The following GABRG3 variants were observed in gnomAD, a reference collection of about 807,000 sequenced individuals.
GABRG3 encodes gamma-aminobutyric acid receptor subunit gamma-3.
A neutral mutation model predicts 48.8 loss-of-function variants in GABRG3; 25 were observed. The ratio of observed to expected loss-of-function variants is 0.51; its 90% CI spans 0.37 to 0.72. The LOEUF (loss-of-function observed/expected upper bound fraction) is 0.72. Among genes scored for constraint, GABRG3 ranks in the 30% least tolerant of loss-of-function variants. The probability of loss-of-function intolerance (pLI) is 0.00; values close to 1 mark genes in which losing one functional copy is unlikely to be tolerated. For missense variants in GABRG3, 394 were observed against 577.9 expected, an observed-to-expected ratio of 0.68 and a Z score of 3.26; for synonymous variants, 227 against 217.6, an observed-to-expected ratio of 1.04 and a Z score of -0.38.
At chr15:27,013,013 G>C (rs778349624) in intron 2 of GABRG3, among the ~76,000 whole-genome samples, 2 of 152,106 alleles carry the variant, frequency 1.3e-5, no homozygotes, top group Admixed American at 1.3e-4. Context: ...TGAACTGTAA[G>C]AATAGATTGG....
At chr15:27,417,985 A>G (rs958560382) in intron 5 of GABRG3, among the ~76,000 whole-genome samples, 1 of 152,194 alleles carries the variant, frequency 6.6e-6, no homozygotes, top group South Asian at 2.1e-4. Context: ...ATCAGACAAT[A>G]TGGTGAGTGG....
chr15:27,279,768 A>G (rs1378098), intron 3 of GABRG3, among the ~76,000 whole-genome samples: 69,336 of 152,032 alleles, frequency 0.46, 18,346 homozygotes, highest in Non-Finnish European at 0.61. Context: ...CTTTCTATAT[A>G]AATTTAGAAT....
At chr15:27,204,469 G>A (rs537400032) in intron 3 of GABRG3, among the ~76,000 whole-genome samples, 26 of 152,172 alleles carry the variant, frequency 1.7e-4, no homozygotes, top group Admixed American at 4.6e-4. Flanking sequence ...AAGTGATAGT[G>A]TGATGCTTCC....
intron 3 of GABRG3, among the ~76,000 whole-genome samples, chr15:27,153,139 G>T (rs1898352540): frequency 1.3e-5 from 2 of 152,360 alleles, no homozygotes; most frequent in South Asian, 4.1e-4. Flanking sequence ...GGGATTACAG[G>T]CGTGAGCCAC....
At chr15:27,444,710 T>C (rs1490830047) in intron 5 of GABRG3, among the ~76,000 whole-genome samples, 1 of 152,212 alleles carries the variant, frequency 6.6e-6, no homozygotes, top group African/African-American at 2.4e-5. Flanking sequence ...TCCTCCTTTA[T>C]TCTCTTCCTA....
intron 6 of GABRG3, among the ~76,000 whole-genome samples, chr15:27,483,874 T>C (rs1366949192): frequency 6.6e-6 from 1 of 152,202 alleles, no homozygotes; most frequent in Admixed American, 6.5e-5. Context: ...CCAAGGACAA[T>C]TGCAGCTGAC....
In GABRG3 at chr15:26,976,202, A is replaced by C. The variant is rs1425680714; in HGVS notation, c.54-800A>C. On this transcript the variant is annotated intron_variant, in intron 1 of 9. Coordinates refer to ENST00000615808, the MANE Select transcript of GABRG3 (RefSeq NM_033223.5). This position sits in a 1 kb window ranked among gnomAD's most constrained non-coding sequence, Gnocchi z 7.8. ...CTCCTGTCAGTGTGTGTCACACGGG[A>C]GAGGAGGCTGTCCAGCTCCTCCCTG... 6.6e-6 allele frequency among the ~76,000 whole-genome samples: 1 copy of C among 152,092 alleles called. No individual in the cohort carries two copies. The highest frequency in any genetic ancestry group is 1.5e-5 in the Non-Finnish European group (1 of 68,024).
chr15:27,415,178 C>A (rs1000274228), intron 5 of GABRG3, among the ~76,000 whole-genome samples: 2 of 151,894 alleles, frequency 1.3e-5, no homozygotes, highest in Admixed American at 6.6e-5. Context: ...GCATGTGTTT[C>A]CCCTTTTATA....
At chr15:27,451,085 T>C (rs1566846390) in intron 5 of GABRG3, among the ~76,000 whole-genome samples, 2 of 152,144 alleles carry the variant, frequency 1.3e-5, no homozygotes, top group Non-Finnish European at 2.9e-5. Flanking sequence ...AGCATTAATA[T>C]TGTCAAAACG....
chr15:27,030,928 A>G (rs1223541869), intron 3 of GABRG3, among the ~76,000 whole-genome samples: 1 of 152,150 alleles, frequency 6.6e-6, no homozygotes, highest in African/African-American at 2.4e-5. Context: ...TAGACACAAA[A>G]GGCTCAGTGT....
chr15:27,014,056 G>T (rs1895734533), intron 2 of GABRG3, among the ~76,000 whole-genome samples: 1 of 151,936 alleles, frequency 6.6e-6, no homozygotes, highest in East Asian at 1.9e-4. Context: ...TGTAGTTTTT[G>T]GTGTATAAGT....
intron 2 of GABRG3, among the ~76,000 whole-genome samples, chr15:27,011,663 C>T (rs913771386): frequency 4.0e-5 from 6 of 151,836 alleles, no homozygotes; most frequent in African/African-American, 9.7e-5. Context: ...CTGGCTAACA[C>T]GGTGAAACCC....
intron 6 of GABRG3, among the ~76,000 whole-genome samples, chr15:27,500,308 G>C (rs376630200): frequency 6.6e-6 from 1 of 152,140 alleles, no homozygotes; most frequent in South Asian, 2.1e-4. Context: ...GTTCACAGCA[G>C]CTCCCAGAAG....
chr15:26,994,387 G>A (rs947570265), intron 2 of GABRG3, among the ~76,000 whole-genome samples: 7 of 151,614 alleles, frequency 4.6e-5, no homozygotes, highest in South Asian at 2.1e-4. Context: ...AGGTTCCCAT[G>A]AGGCTTGCAA....
chr15:27,234,771 C>T (rs1034454030), intron 3 of GABRG3, among the ~76,000 whole-genome samples: 1 of 152,110 alleles, frequency 6.6e-6, no homozygotes, highest in African/African-American at 2.4e-5. Context: ...GACTCCTGTC[C>T]AGTGACCCTC....
intron 3 of GABRG3, among the ~76,000 whole-genome samples, chr15:27,272,601 C>T (rs991716210): frequency 6.6e-6 from 1 of 152,100 alleles, no homozygotes; most frequent in African/African-American, 2.4e-5. Context: ...TCATCCACAC[C>T]AAGACAAGAG....
intron 5 of GABRG3, among the ~76,000 whole-genome samples, chr15:27,361,242 G>C (rs2140546564): frequency 6.6e-6 from 1 of 152,286 alleles, no homozygotes; most frequent in African/African-American, 2.4e-5. Context: ...AGAGCACTTG[G>C]AGTTGTGAAT....
intron 3 of GABRG3, among the ~76,000 whole-genome samples, chr15:27,059,886 A>G (rs542779978): frequency 2.0e-5 from 3 of 152,334 alleles, no homozygotes; most frequent in East Asian, 3.9e-4. Flanking sequence ...ATTCTATTGT[A>G]GCAAAAGGTG....
At chr15:26,986,428 G>C (rs1158884207) in intron 2 of GABRG3, among the ~76,000 whole-genome samples, 1 of 152,172 alleles carries the variant, frequency 6.6e-6, no homozygotes, top group Non-Finnish European at 1.5e-5. Flanking sequence ...AGGCCGCCGA[G>C]TTCAGACCTC....
Sources: allele counts gnomAD v4.1 joint callset (sites outside exome capture counted in the v4.1 genomes callset), GRCh38; gene constraint gnomAD v4.1.1; non-coding constraint Gnocchi (gnomAD v3.1); transcripts MANE v1.5; gene names NCBI Gene and HGNC (gene_info 2026-07-23, HGNC 2026-07-21).